The following CSMD1 variants were observed in gnomAD, a reference collection of about 807,000 sequenced individuals.
The protein encoded by CSMD1 is CUB and sushi domain-containing protein 1.
Under a neutral mutation model 417.5 loss-of-function variants are expected in CSMD1, and 213 were observed. The ratio of observed to expected loss-of-function variants is 0.51; its 90% CI spans 0.46 to 0.57. CSMD1 has a LOEUF of 0.57. Ranked by LOEUF, CSMD1 falls within the 20% of genes least tolerant of loss-of-function variation. CSMD1 has a pLI of 0.00. For synonymous variants in CSMD1, 2,862 were observed against 1,736.8 expected, an observed-to-expected ratio of 1.65 and a Z score of -16.11; for missense variants, 6,923 against 4,529.7, an observed-to-expected ratio of 1.53 and a Z score of -15.17.
At chr8:3,913,573 A>G (rs1285270111) in intron 5 of CSMD1, among the ~76,000 whole-genome samples, 1 of 152,166 alleles carries the variant, frequency 6.6e-6, no homozygotes, top group African/African-American at 2.4e-5. Flanking sequence ...GAATACGGTC[A>G]GTGAGTTCCA....
chr8:3,464,994 G>A (rs945035997), intron 12 of CSMD1, among the ~76,000 whole-genome samples: 1 of 152,004 alleles, frequency 6.6e-6, no homozygotes, highest in South Asian at 2.1e-4. Flanking sequence ...GTGTATAATA[G>A]CTATAGATAA....
chr8:2,953,913 C>A (rs1695274901), intron 65 of CSMD1, among the ~76,000 whole-genome samples: 1 of 152,238 alleles, frequency 6.6e-6, no homozygotes, highest in Admixed American at 6.5e-5. Flanking sequence ...TAAGGCTCTC[C>A]ATTATACCAC....
chr8:3,606,226 G>T (rs1434605266), intron 8 of CSMD1, among the ~76,000 whole-genome samples: 1 of 152,116 alleles, frequency 6.6e-6, no homozygotes, highest in Non-Finnish European at 1.5e-5. Context: ...TTAAGGCCAG[G>T]ATGCAGTGTG....
chr8:3,136,250 T>C (rs1005226697), intron 41 of CSMD1, among the ~76,000 whole-genome samples: 1 of 151,404 alleles, frequency 6.6e-6, no homozygotes, highest in African/African-American at 2.4e-5. Context: ...AGCCTTTTTT[T>C]TTTCTTTTTT....
chr8:3,463,846 C>T (rs1047855040), intron 12 of CSMD1, among the ~76,000 whole-genome samples: 4 of 152,212 alleles, frequency 2.6e-5, no homozygotes, highest in Admixed American at 1.3e-4. Context: ...CCATCTCCTA[C>T]ATTCCTGTAT....
intron 1 of CSMD1, among the ~76,000 whole-genome samples, chr8:4,778,295 A>G (rs1045455194): frequency 6.6e-6 from 1 of 152,312 alleles, no homozygotes; most frequent in East Asian, 1.9e-4. Context: ...TTTTGCAAAT[A>G]AAAAGGTCAG....
intron 2 of CSMD1, among the ~76,000 whole-genome samples, chr8:4,618,101 G>C (rs770119361): frequency 7.2e-5 from 11 of 152,034 alleles, no homozygotes; most frequent in Non-Finnish European, 1.0e-4. Flanking sequence ...AATCTGCCGA[G>C]GTGCCAAATG....
At chr8:4,609,748 G>C (rs1801066966) in intron 2 of CSMD1, among the ~76,000 whole-genome samples, 1 of 152,138 alleles carries the variant, frequency 6.6e-6, no homozygotes, top group Non-Finnish European at 1.5e-5. Flanking sequence ...AAAGAAGAAA[G>C]AAGCAGGGAT....
intron 2 of CSMD1, among the ~76,000 whole-genome samples, chr8:4,615,812 C>G (rs904930350): frequency 6.6e-6 from 1 of 152,092 alleles, no homozygotes; most frequent in African/African-American, 2.4e-5. Context: ...CCATCTTATT[C>G]CTGATAATCT....
At chr8:4,367,574 G>T (rs1802152911) in intron 3 of CSMD1, among the ~76,000 whole-genome samples, 1 of 151,804 alleles carries the variant, frequency 6.6e-6, no homozygotes, top group Non-Finnish European at 1.5e-5. Flanking sequence ...ATTTTAGAAT[G>T]GTTTTTCTTT....
chr8:3,236,351 A>C (rs1259710917), intron 26 of CSMD1, among the ~76,000 whole-genome samples: 1 of 152,152 alleles, frequency 6.6e-6, no homozygotes, highest in Non-Finnish European at 1.5e-5. Flanking sequence ...AAACCCCCAA[A>C]CACTTTGTAT....
intron 1 of CSMD1, among the ~76,000 whole-genome samples, chr8:4,661,490 G>T (rs980402958): frequency 4.6e-5 from 7 of 152,108 alleles, no homozygotes; most frequent in African/African-American, 1.7e-4. Flanking sequence ...TAGGCGGTGG[G>T]GTCAGGAGGA....
intron 37 of CSMD1, among the ~76,000 whole-genome samples, chr8:3,168,513 T>C (rs959945512): frequency 3.9e-5 from 6 of 152,138 alleles, no homozygotes; most frequent in Non-Finnish European, 7.4e-5. Context: ...GGAGACATCA[T>C]GTGAGCCTGA....
At chr8:3,026,510 C>A (rs1022251335) in intron 51 of CSMD1, among the ~76,000 whole-genome samples, 1 of 151,948 alleles carries the variant, frequency 6.6e-6, no homozygotes, top group Non-Finnish European at 1.5e-5. Flanking sequence ...CTGGACCTCA[C>A]TGGACCTCAC....
intron 2 of CSMD1, among the ~76,000 whole-genome samples, chr8:4,622,246 G>A (rs1801824134): frequency 6.6e-6 from 1 of 151,802 alleles, no homozygotes; most frequent in Non-Finnish European, 1.5e-5. Context: ...ACTCAAAGAA[G>A]AAAAAGGCAA....
intron 5 of CSMD1, among the ~76,000 whole-genome samples, chr8:3,901,989 T>C (rs1370991539): frequency 2.0e-5 from 3 of 152,198 alleles, no homozygotes; most frequent in Admixed American, 1.3e-4. Context: ...GTTTCTCTTA[T>C]TCTTTCCCTC....
At chr8:4,347,531 T>C (rs1800841769) in intron 3 of CSMD1, among the ~76,000 whole-genome samples, 1 of 152,168 alleles carries the variant, frequency 6.6e-6, no homozygotes, top group Admixed American at 6.5e-5. Flanking sequence ...CATTACAGGA[T>C]AAGGCTGTCT....
intron 5 of CSMD1, among the ~76,000 whole-genome samples, chr8:3,939,388 G>C (rs766199134): frequency 6.6e-6 from 1 of 152,076 alleles, no homozygotes; most frequent in Non-Finnish European, 1.5e-5. Flanking sequence ...ATGGTGAAAA[G>C]GGAACACTTT....
chr8:4,136,695 G>C (rs560078862), intron 3 of CSMD1, among the ~76,000 whole-genome samples: 3 of 152,252 alleles, frequency 2.0e-5, no homozygotes, highest in East Asian at 1.9e-4. Flanking sequence ...AGTCTTCAGA[G>C]ACTACGTAAC....
Sources: gnomAD v4.1 joint callset for allele counts (sites outside exome capture counted in the v4.1 genomes callset) on GRCh38, gnomAD v4.1.1 for gene constraint, MANE v1.5 for transcripts, NCBI Gene and HGNC (gene_info 2026-07-23, HGNC 2026-07-21) for gene names.